The following CAST variants were observed in gnomAD, a reference collection of about 807,000 sequenced individuals.
The protein encoded by CAST is MIR583 host.
A neutral mutation model predicts 119.6 loss-of-function variants in CAST; 76 were observed. That is an observed-to-expected ratio of 0.64 (90% CI 0.53 to 0.77). The LOEUF is 0.77. CAST is among the 30% of genes least tolerant of loss of function. The pLI is 0.00. For missense variants in CAST, 953 were observed against 946.5 expected, an observed-to-expected ratio of 1.01 and a Z score of -0.09; for synonymous variants, 319 against 331.6, an observed-to-expected ratio of 0.96 and a Z score of 0.41.
At chr5:96,624,421 TA>T (rs1747681406) in intron 1 of CAST, among the ~76,000 whole-genome samples, 1 of 152,264 alleles carries the variant, frequency 6.6e-6, no homozygotes, top group Non-Finnish European at 1.5e-5. Context: ...GTTTGTTTTA[TA>T]ATATATGCAT....
At chr5:96,158,320 A>G in the CAST span, among the ~76,000 whole-genome samples, 1 of 152,132 alleles carries the variant, frequency 6.6e-6, no homozygotes, top group Non-Finnish European at 1.5e-5. Flanking sequence ...ATTCTTTTTT[A>G]TCATGCAATC....
chr5:96,092,646 A>G, the CAST span, among the ~76,000 whole-genome samples: 5 of 152,208 alleles, frequency 3.3e-5, no homozygotes, highest in Non-Finnish European at 7.3e-5. Flanking sequence ...TTACTATAAC[A>G]TACTATCTCA....
chr5:95,983,848 A>G, the CAST span, among the ~76,000 whole-genome samples: 2 of 152,216 alleles, frequency 1.3e-5, no homozygotes, highest in Non-Finnish European at 2.9e-5. Context: ...CTTTTACAAT[A>G]AACATGCTGA....
At chr5:96,201,711 C>T in the CAST span, among the ~76,000 whole-genome samples, 3 of 151,914 alleles carry the variant, frequency 2.0e-5, no homozygotes, top group African/African-American at 7.3e-5. Context: ...GCTCCAATAC[C>T]ACCAGTTCTG....
intron 1 of CAST, among the ~76,000 whole-genome samples, chr5:96,602,063 A>G (rs1291618740): frequency 2.0e-5 from 3 of 152,134 alleles, no homozygotes; most frequent in Non-Finnish European, 4.4e-5. Flanking sequence ...GACCTGACTT[A>G]CCCACTCTGA....
At chr5:96,299,514 T>G in the CAST span, among the ~76,000 whole-genome samples, 2 of 152,200 alleles carry the variant, frequency 1.3e-5, no homozygotes, top group Non-Finnish European at 2.9e-5. Flanking sequence ...TTGTACTTCT[T>G]GGCTCCCCTG....
At chr5:96,011,866 T>C in the CAST span, among the ~76,000 whole-genome samples, 2 of 152,194 alleles carry the variant, frequency 1.3e-5, no homozygotes, top group African/African-American at 4.8e-5. Flanking sequence ...GCCAGGTGTT[T>C]AGAAATACAT....
At chr5:96,108,088 C>A in the CAST span, among the ~76,000 whole-genome samples, 1 of 151,854 alleles carries the variant, frequency 6.6e-6, no homozygotes, top group Non-Finnish European at 1.5e-5. Context: ...CTCCTTTAAG[C>A]ACTTCTCTGT....
At chr5:96,509,989 T>C in the CAST span, among the ~76,000 whole-genome samples, 1 of 152,200 alleles carries the variant, frequency 6.6e-6, no homozygotes, top group Non-Finnish European at 1.5e-5. Context: ...TTTTATAACG[T>C]TGTGGATTTT....
At chr5:96,610,129 A>T (rs2150195991) in intron 1 of CAST, among the ~76,000 whole-genome samples, 1 of 152,262 alleles carries the variant, frequency 6.6e-6, no homozygotes, top group Admixed American at 6.5e-5. Flanking sequence ...ACAAGATCTG[A>T]TTGTTTCAAA....
At chr5:96,117,217 C>T in the CAST span, among the ~76,000 whole-genome samples, 2 of 152,030 alleles carry the variant, frequency 1.3e-5, no homozygotes, top group African/African-American at 4.8e-5. Flanking sequence ...AAATTTTTGC[C>T]TAACCCAATG....
At chr5:96,673,126 A>G (rs1750311199) in intron 1 of CAST, among the ~76,000 whole-genome samples, 1 of 152,180 alleles carries the variant, frequency 6.6e-6, no homozygotes, top group Non-Finnish European at 1.5e-5. Flanking sequence ...AAAATAGTAA[A>G]CACCCAATAA....
At chr5:96,268,971 G>A in the CAST span, among the ~76,000 whole-genome samples, 1 of 152,150 alleles carries the variant, frequency 6.6e-6, no homozygotes, top group African/African-American at 2.4e-5. Context: ...GTTTAAAAGT[G>A]TGGCAGTTAC....
At chr5:96,418,664 G>C in the CAST span, among the ~76,000 whole-genome samples, 12 of 152,208 alleles carry the variant, frequency 7.9e-5, 1 homozygote, top group Admixed American at 3.9e-4. Context: ...TGCTGTAAAG[G>C]CCAAGACAAA....
At chr5:95,991,550 G>A in the CAST span, among the ~76,000 whole-genome samples, 9 of 136,050 alleles carry the variant, frequency 6.6e-5, no homozygotes, top group Admixed American at 2.6e-4. Context: ...CTGTCACCCA[G>A]GCTAGAGTGT....
At chr5:96,119,286 A>C in the CAST span, among the ~76,000 whole-genome samples, 3 of 152,290 alleles carry the variant, frequency 2.0e-5, no homozygotes, top group East Asian at 5.8e-4. Flanking sequence ...AAAATTTTTA[A>C]AAGTTTTCAG....
chr5:96,591,695 C>T (rs993642442), intron 1 of CAST, among the ~76,000 whole-genome samples: 1 of 152,178 alleles, frequency 6.6e-6, no homozygotes, highest in African/African-American at 2.4e-5. Flanking sequence ...TAAATTCTTC[C>T]TTGGCATAAT....
At chr5:96,496,530 C>G in the CAST span, among the ~76,000 whole-genome samples, 1 of 152,150 alleles carries the variant, frequency 6.6e-6, no homozygotes, top group Non-Finnish European at 1.5e-5. Context: ...GGTCATAAGG[C>G]TGCAAATGCA....
intron 1 of CAST, among the ~76,000 whole-genome samples, chr5:96,572,923 C>CA (rs1159196930): frequency 1.3e-5 from 2 of 152,076 alleles, no homozygotes; most frequent in Non-Finnish European, 2.9e-5. Context: ...CTCAGTAAGA[C>CA]AAAAGGAAGG....
Sources: gnomAD v4.1 joint callset for allele counts (sites outside exome capture counted in the v4.1 genomes callset) on GRCh38, gnomAD v4.1.1 for gene constraint, MANE v1.5 for transcripts, NCBI Gene and HGNC (gene_info 2026-07-23, HGNC 2026-07-21) for gene names.